The following RGS5 variants were observed in gnomAD, a reference collection of about 807,000 sequenced individuals.
The protein encoded by RGS5 is regulator of G protein signaling 5.
A neutral mutation model predicts 18.9 loss-of-function variants in RGS5; 20 were observed. The observed-to-expected ratio is 1.06, with a 90% CI of 0.74 to 1.54. The LOEUF is 1.54. Ranked by LOEUF, RGS5 falls within the 40% of genes most tolerant of loss-of-function variation. The pLI is 0.00. For synonymous variants in RGS5, 57 were observed against 76.2 expected (o/e 0.75, Z 1.31); for missense variants, 201 against 211.8 (o/e 0.95, Z 0.32).
chr1:163,231,476 C>G (rs1647480485), intron 2 of RGS5, among the ~76,000 whole-genome samples: 1 of 152,126 alleles, frequency 6.6e-6, no homozygotes. Context: ...CTTTTGCGAT[C>G]CCCAGAAGTA....
chr1:163,245,990 C>T (rs12136475), intron 2 of RGS5, among the ~76,000 whole-genome samples: 7,538 of 152,032 alleles, frequency 0.05, 219 homozygotes, highest in South Asian at 0.093. Context: ...CCAAGGCGGG[C>T]GGATCACGAG....
chr1:163,194,140 C>A (rs1373064765), intron 1 of RGS5, among the ~76,000 whole-genome samples: 1 of 152,092 alleles, frequency 6.6e-6, no homozygotes, highest in Non-Finnish European at 1.5e-5. Flanking sequence ...TCATAGAATT[C>A]ACCAAAATAA....
chr1:163,320,735 A>G (rs146872285), intron 1 of RGS5, among the ~76,000 whole-genome samples: 57 of 152,360 alleles, frequency 3.7e-4, no homozygotes, highest in African/African-American at 1.3e-3. Flanking sequence ...CAGTAAATAG[A>G]CATTGAAAGG....
upstream of RGS5, among the ~76,000 whole-genome samples, chr1:163,222,332 T>C (rs566485371): frequency 6.6e-5 from 10 of 152,270 alleles, no homozygotes; most frequent in African/African-American, 2.4e-4. Flanking sequence ...ACACTCCTTA[T>C]GATAATCTAA....
chr1:163,260,948 G>T (rs1648417243), intron 2 of RGS5, among the ~76,000 whole-genome samples: 1 of 152,186 alleles, frequency 6.6e-6, no homozygotes, highest in Non-Finnish European at 1.5e-5. Flanking sequence ...AGGAATGAAA[G>T]AATGCATAAG....
chr1:163,275,564 A>G (rs899623912), intron 2 of RGS5, among the ~76,000 whole-genome samples: 2 of 152,228 alleles, frequency 1.3e-5, no homozygotes, highest in Non-Finnish European at 2.9e-5. Context: ...CTATGCCAAC[A>G]AAGCTGATAT....
chr1:163,310,676 T>C (rs1168176560), intron 1 of RGS5, among the ~76,000 whole-genome samples: 2 of 151,628 alleles, frequency 1.3e-5, no homozygotes, highest in Non-Finnish European at 2.9e-5. Context: ...ACTTTCATCA[T>C]CTTAGCAAGA....
chr1:163,297,401 T>C (rs1436756167), intron 2 of RGS5, among the ~76,000 whole-genome samples: 1 of 152,194 alleles, frequency 6.6e-6, no homozygotes, highest in Non-Finnish European at 1.5e-5. Flanking sequence ...CTATGTTTTC[T>C]GGACCATGAA....
chr1:163,305,062 T>TATAG (rs1232621636), intron 2 of RGS5: 1 of 152,224 alleles, frequency 6.6e-6, no homozygotes, highest in Non-Finnish European at 1.5e-5. Flanking sequence ...ATAATTAAAA[T>TATAG]ATAGATTTGT....
intron 1 of RGS5, 92 bp from the exon 2 acceptor site, chr1:163,168,460 G>T: frequency 1.1e-6 from 1 of 879,116 alleles, no homozygotes; most frequent in East Asian, 2.5e-5. Flanking sequence ...AAACAAAAAT[G>T]AACAAAATCC....
At chr1:163,217,320 G>GT (rs1200165799) in intron 1 of RGS5, among the ~76,000 whole-genome samples, 9 of 152,034 alleles carry the variant, frequency 5.9e-5, no homozygotes, top group Non-Finnish European at 4.4e-5. Flanking sequence ...TTTACTCTGG[G>GT]TTTTTTGCAT....
intron 2 of RGS5, among the ~76,000 whole-genome samples, chr1:163,287,299 C>T (rs994839681): frequency 2.0e-5 from 3 of 152,188 alleles, no homozygotes; most frequent in African/African-American, 7.2e-5. Flanking sequence ...TTGAGCCTTA[C>T]TCTCCTTATA....
At chr1:163,307,675 C>A (rs962539521) in intron 1 of RGS5, among the ~76,000 whole-genome samples, 2 of 151,754 alleles carry the variant, frequency 1.3e-5, no homozygotes, top group Non-Finnish European at 2.9e-5. Flanking sequence ...ATGAGATCTG[C>A]GGCCAAAAGC....
chr1:163,320,299 T>C (rs1366409050), intron 1 of RGS5, among the ~76,000 whole-genome samples: 1 of 152,202 alleles, frequency 6.6e-6, no homozygotes, highest in Non-Finnish European at 1.5e-5. Flanking sequence ...ACTTTTCAAG[T>C]ACTCACAATT....
At chr1:163,282,217 C>A (rs186620322) in intron 2 of RGS5, among the ~76,000 whole-genome samples, 5 of 151,744 alleles carry the variant, frequency 3.3e-5, no homozygotes, top group Non-Finnish European at 7.4e-5. Flanking sequence ...CCAGAATATA[C>A]GAACAACTCA....
chr1:163,157,612 T>A (rs1393438041), intron 3 of RGS5, among the ~76,000 whole-genome samples: 1 of 152,134 alleles, frequency 6.6e-6, no homozygotes, highest in East Asian at 1.9e-4. Flanking sequence ...AAAGTCAATA[T>A]CCTACATTAA....
intron 1 of RGS5, among the ~76,000 whole-genome samples, chr1:163,184,382 C>T (rs1658979282): frequency 6.8e-6 from 1 of 148,110 alleles, no homozygotes; most frequent in Admixed American, 6.7e-5. Context: ...GGAAGCTTTC[C>T]TGACCACCCC....
intron 2 of RGS5, among the ~76,000 whole-genome samples, chr1:163,286,760 T>A (rs1395045725): frequency 6.6e-6 from 1 of 152,148 alleles, no homozygotes; most frequent in Admixed American, 6.5e-5. Context: ...TAACTTCTTA[T>A]TTTTAGCTCA....
intron 2 of RGS5, among the ~76,000 whole-genome samples, chr1:163,282,336 T>G (rs891095278): frequency 6.6e-6 from 1 of 152,280 alleles, no homozygotes; most frequent in African/African-American, 2.4e-5. Flanking sequence ...TATTTTAAAA[T>G]GTTCAACATT....
Sources: gnomAD v4.1 joint callset for allele counts (sites outside exome capture counted in the v4.1 genomes callset) on GRCh38, gnomAD v4.1.1 for gene constraint, MANE v1.5 for transcripts, NCBI Gene and HGNC (gene_info 2026-07-23, HGNC 2026-07-21) for gene names.